The following OGG1 variants were observed in gnomAD, a reference collection of about 807,000 sequenced individuals.
OGG1 encodes 8-oxoguanine DNA glycosylase, also known as N-glycosylase/DNA lyase.
In OGG1, 35 loss-of-function variants were observed where a neutral mutation model predicts 42.3. The observed-to-expected ratio is 0.83, with a 90% CI of 0.63 to 1.10. The LOEUF (loss-of-function observed/expected upper bound fraction) is 1.10. OGG1 is among the 50% of genes least tolerant of loss of function. The pLI, the probability that OGG1 is intolerant of heterozygous loss-of-function variation, is 0.00. For synonymous variants in OGG1, 189 were observed against 179.0 expected, an observed-to-expected ratio of 1.06 and a Z score of -0.44; for missense variants, 484 against 446.7, an observed-to-expected ratio of 1.08 and a Z score of -0.75.
chr3:9,779,019 T>A (rs2078402650), intron 2 of OGG1, among the ~76,000 whole-genome samples: 1 of 152,076 alleles, frequency 6.6e-6, no homozygotes, highest in Non-Finnish European at 1.5e-5. Flanking sequence ...ATTCCCTGAT[T>A]CTCTCAGACC....
rs751877547 is a variant in OGG1, at chr3:9,762,987, C to G, written c.1049-2822C>G. ...ATCCAGCACCTGGAAGATGAGGCGG[C>G]TGGCGTCCCGCTCCGTGTAGAAGCC... On this transcript the variant is annotated intron_variant, in intron 7 of 7. Coordinates refer to the OGG1 transcript ENST00000302008. The G allele has an allele frequency of 1.2e-5, 20 of 1,614,058 alleles. No individual in the cohort carries two copies. In the South Asian group the frequency reaches 2.2e-4, roughly 18 times the overall value.
downstream of OGG1, chr3:9,789,589 A>G: frequency 6.2e-7 from 1 of 1,614,190 alleles, no homozygotes. Flanking sequence ...ATGTCAGCAC[A>G]GTAGGGCTCC....
intron 3 of OGG1, chr3:9,787,717 C>T (rs1559719586): frequency 1.5e-6 from 2 of 1,306,900 alleles, no homozygotes; most frequent in Non-Finnish European, 1.0e-6. Context: ...TCTGTATGAA[C>T]TCTTTTTCAG....
downstream of OGG1, among the ~76,000 whole-genome samples, chr3:9,769,287 C>T (rs1000349198): frequency 6.6e-6 from 1 of 151,894 alleles, no homozygotes; most frequent in Non-Finnish European, 1.5e-5. Flanking sequence ...TACCCTACAC[C>T]CTCCAGCTCC....
At chr3:9,770,529 C>T (rs2078278515), downstream of OGG1, among the ~76,000 whole-genome samples, 1 of 152,138 alleles carries the variant, frequency 6.6e-6, no homozygotes, top group African/African-American at 2.4e-5. Flanking sequence ...GAGGCTTCAG[C>T]CCCAGACACT....
chr3:9,784,817 T>C (rs1365675967), intron 3 of OGG1, among the ~76,000 whole-genome samples: 1 of 151,536 alleles, frequency 6.6e-6, no homozygotes, highest in Non-Finnish European at 1.5e-5. Flanking sequence ...TGAGCCAAGA[T>C]TGCGCCATTG....
At chr3:9,773,536 C>T (rs1360268952) in intron 2 of OGG1, among the ~76,000 whole-genome samples, 2 of 151,870 alleles carry the variant, frequency 1.3e-5, no homozygotes, top group African/African-American at 4.8e-5. Context: ...GAGCGAGACT[C>T]CGTCTCAAAA....
chr3:9,759,822 ACTCC>A, downstream of OGG1: 1 of 1,611,960 alleles, frequency 6.2e-7, no homozygotes, highest in Non-Finnish European at 8.5e-7. Flanking sequence ...GAGCATACCC[ACTCC>A]CTCAGGTCTG....
chr3:9,757,817 C>T (rs1045030390), downstream of OGG1: 1 of 1,611,934 alleles, frequency 6.2e-7, no homozygotes, highest in Non-Finnish European at 8.5e-7. The surrounding 1 kb of genome is among the most constrained non-coding windows in gnomAD (Gnocchi z 4.5). Context: ...TCCTCATGTG[C>T]CGCACCACAG....
intron 3 of OGG1, chr3:9,785,301 T>C: frequency 6.3e-7 from 1 of 1,599,236 alleles, no homozygotes; most frequent in Non-Finnish European, 8.6e-7. Flanking sequence ...GGGTTGTGGA[T>C]AGGACACCAC....
At chr3:9,780,262 C>A in intron 2 of OGG1, 1 of 1,348,266 alleles carries the variant, frequency 7.4e-7, no homozygotes, top group Non-Finnish European at 1.0e-6. Flanking sequence ...ATTTGAGGGA[C>A]AGCCACAGGC....
intron 2 of OGG1, chr3:9,780,481 A>G (rs1575289907): frequency 1.2e-6 from 2 of 1,610,948 alleles, no homozygotes; most frequent in East Asian, 4.5e-5. Context: ...AAAGGCGTCC[A>G]TGACCTCGTT....
chr3:9,765,183 C>T (rs1462684263), intron 7 of OGG1, among the ~76,000 whole-genome samples: 1 of 150,528 alleles, frequency 6.6e-6, no homozygotes, highest in African/African-American at 2.5e-5. Context: ...GCCAAGATTG[C>T]GTCACTGCAC....
downstream of OGG1, among the ~76,000 whole-genome samples, chr3:9,788,492 G>A (rs561440507): frequency 1.0e-4 from 15 of 150,626 alleles, no homozygotes; most frequent in East Asian, 3.9e-4. Flanking sequence ...TGATCTGCCC[G>A]CCTCGGCCTC....
At chr3:9,759,628 G>A, downstream of OGG1, 2 of 1,614,054 alleles carry the variant, frequency 1.2e-6, no homozygotes, top group South Asian at 1.1e-5. Flanking sequence ...CAGACCTGAG[G>A]GCCCCAAATC....
chr3:9,763,415 A>C (rs1196357287), intron 7 of OGG1: 27 of 199,498 alleles, frequency 1.4e-4, no homozygotes, highest in Non-Finnish European at 1.7e-4. Flanking sequence ...AAAAAAAAAA[A>C]AAAAAAACAG....
chr3:9,768,661 T>C (rs2078223082), downstream of OGG1, among the ~76,000 whole-genome samples: 1 of 152,150 alleles, frequency 6.6e-6, no homozygotes. Context: ...GAAGCCAGAA[T>C]GGGCCCCATT....
In OGG1 at chr3:9,751,965, C is replaced by G. The variant is rs997554591; in HGVS notation, c.565+16C>G. ...GCCCTGGCTGGTGAGTAGGTGGGTC[C>G]CCTGCCCCCAGGCCTTCCATCAGCT... On this transcript the variant is annotated intron_variant, in intron 3 of 6. Coordinates refer to ENST00000344629, the MANE Select transcript of OGG1 (RefSeq NM_002542.6). 6.8e-6 allele frequency: 11 copies of G among 1,612,200 alleles called. No homozygotes were observed. The African/African-American group carries it at 1.5e-4, about 22-fold the overall frequency.
intron 3 of OGG1, 118 bp from the exon 4 acceptor site, chr3:9,754,586 G>T (rs2077450444): frequency 9.5e-7 from 1 of 1,048,330 alleles, no homozygotes; most frequent in African/African-American, 1.6e-5. Context: ...AGAGGGTGGG[G>T]AGGTAGGAGG....
Sources: gnomAD v4.1 joint callset for allele counts (sites outside exome capture counted in the v4.1 genomes callset) on GRCh38, gnomAD v4.1.1 for gene constraint, Gnocchi (gnomAD v3.1) non-coding constraint, MANE v1.5 for transcripts, NCBI Gene and HGNC (gene_info 2026-07-23, HGNC 2026-07-21) for gene names.